Variants in TAFA3 observed in about 807,000 individuals in gnomAD.
TAFA3 encodes TAFA chemokine like family member 3.
In TAFA3, 17 loss-of-function variants were observed where a neutral mutation model predicts 20.7. The ratio of observed to expected loss-of-function variants is 0.82; its 90% CI spans 0.56 to 1.23. The LOEUF is 1.23. Among genes scored for constraint, TAFA3 ranks in the 50% most tolerant of loss-of-function variants. TAFA3 has a pLI of 0.00. For synonymous variants in TAFA3, 74 were observed against 71.8 expected, an observed-to-expected ratio of 1.03 and a Z score of -0.16; for missense variants, 174 against 172.8, an observed-to-expected ratio of 1.01 and a Z score of -0.04.
In TAFA3 at chr1:112,722,227, C is replaced by G; in HGVS notation, c.-1-6C>G. 1 of 1,614,000 alleles carries G rather than the reference C, an allele frequency of 6.2e-7. No individual in the cohort carries two copies. Among genetic ancestry groups the G allele is most frequent in the Non-Finnish European group, 8.5e-7 (1 of 1,179,938 alleles). On this transcript the variant is annotated splice_region_variant and splice_polypyrimidine_tract_variant and intron_variant, in intron 2 of 5. Coordinates refer to ENST00000361886, the MANE Select transcript of TAFA3 (RefSeq NM_182759.3). ...AGCTGAGCAGAATGTGTGCTTCTCT[C>G]CGCAGGATGAGTGAGAGGGTCGAGC...
chr1:112,724,313 G>T (rs111841877), intron 5 of TAFA3, among the ~76,000 whole-genome samples, 176 bp downstream of exon 5: 2 of 151,910 alleles, frequency 1.3e-5, no homozygotes, highest in Admixed American at 6.5e-5. Flanking sequence ...GAGTTAGGGG[G>T]GTCAGGACTT....
At chr1:112,720,087 G>C (rs1028328756) in intron 1 of TAFA3, among the ~76,000 whole-genome samples, 9 of 152,156 alleles carry the variant, frequency 5.9e-5, no homozygotes, top group African/African-American at 2.2e-4. Context: ...TGGGAATGGG[G>C]GCAAGGGATG....
intron 4 of TAFA3, 73 bp downstream of exon 4, chr1:112,723,238 T>G: frequency 6.6e-7 from 1 of 1,509,138 alleles, no homozygotes; most frequent in East Asian, 2.4e-5. Flanking sequence ...CCTCGCCATC[T>G]GCTGGGGATA....
At chr1:112,719,392 CT>C (rs1675277093) in intron 1 of TAFA3, among the ~76,000 whole-genome samples, 93 bp downstream of exon 1, 1 of 152,188 alleles carries the variant, frequency 6.6e-6, no homozygotes, top group Non-Finnish European at 1.5e-5. Flanking sequence ...GTTGAAGATT[CT>C]TGTGGTTCAC....
At position 112,724,026 on chromosome 1, in the gene TAFA3, G is replaced by C; in HGVS notation, c.279G>C (p.Leu93=). Reference sequence around the variant, plus strand: ...CTGCTCCCACAGCCTCCATCGTCCTGCAGAGATGGTGGTGTCAGATGGAGC... The same window carrying C: ...CTGCTCCCACAGCCTCCATCGTCCTCCAGAGATGGTGGTGTCAGATGGAGC... The part of the protein sequence containing the change: ...KPSCVDASIV[L]QRWWCQMEPC... Residue 93 remains leucine (L), a synonymous_variant, in exon 5 of 6, where the codon CTG becomes CTC. Coordinates refer to ENST00000361886, the MANE Select transcript of TAFA3 (RefSeq NM_182759.3). The C allele has an allele frequency of 6.2e-7, 1 of 1,613,950 alleles. No homozygotes were observed. The highest frequency in any genetic ancestry group is 8.5e-7 in the Non-Finnish European group (1 of 1,179,964).
intron 5 of TAFA3, among the ~76,000 whole-genome samples, chr1:112,724,995 A>G (rs1405894853): frequency 2.0e-5 from 3 of 152,168 alleles, no homozygotes; most frequent in Admixed American, 1.3e-4. Flanking sequence ...CTAGGTGCCA[A>G]TCAACATTGA....
chr1:112,726,539 A>C (rs1462746170), intron 5 of TAFA3, 90 bp from the exon 6 acceptor site: 29 of 1,393,582 alleles, frequency 2.1e-5, no homozygotes, highest in Non-Finnish European at 4.1e-6. Context: ...AATGTCCTCT[A>C]AGTGACCTGC....
At chr1:112,722,406 G>T in intron 3 of TAFA3, 58 bp downstream of exon 3, 1 of 1,432,772 alleles carries the variant, frequency 7.0e-7, no homozygotes, top group South Asian at 1.2e-5. Flanking sequence ...TGGGGAGCTG[G>T]ACACCACTCC....
chr1:112,723,184 C>A lies in TAFA3; in HGVS notation c.265+19C>A. The A allele has an allele frequency of 6.2e-7, 1 of 1,610,080 alleles. No homozygotes were observed. The highest frequency in any genetic ancestry group is 8.5e-7 in the Non-Finnish European group (1 of 1,178,830). On this transcript the variant is annotated intron_variant, in intron 4 of 5. Transcript: ENST00000361886. Reference sequence around the variant, plus strand: ...GTGGACGGTGAGTGAGAGGCCAGGACCCGGGCAGGGCCCTGAGCAGAGCCA... The same window carrying A: ...GTGGACGGTGAGTGAGAGGCCAGGAACCGGGCAGGGCCCTGAGCAGAGCCA...
chr1:112,726,739 A>C lies in TAFA3; in HGVS notation c.*99A>C, dbSNP rs1217915996. 1 of 1,573,784 alleles carries C rather than the reference A, an allele frequency of 6.4e-7. No homozygotes were observed. Among genetic ancestry groups the C allele is most frequent in the Non-Finnish European group, 8.7e-7 (1 of 1,143,840 alleles). On this transcript the variant is annotated 3_prime_UTR_variant, in exon 6 of 6. Coordinates refer to ENST00000361886, the MANE Select transcript of TAFA3 (RefSeq NM_182759.3). Reference sequence around the variant, plus strand: ...CCAGGAAAGATGGGGATTCACTTACATGCCTCATGTCAAATGCAGCATCAG... The same window carrying C: ...CCAGGAAAGATGGGGATTCACTTACCTGCCTCATGTCAAATGCAGCATCAG...
At chr1:112,724,726 T>C (rs1171109685) in intron 5 of TAFA3, among the ~76,000 whole-genome samples, 2 of 138,390 alleles carry the variant, frequency 1.4e-5, no homozygotes, top group Non-Finnish European at 3.0e-5. Flanking sequence ...ATGGCACATG[T>C]ATACATATGT....
chr1:112,719,678 G>A (rs1675283897), intron 1 of TAFA3, among the ~76,000 whole-genome samples: 1 of 152,106 alleles, frequency 6.6e-6, no homozygotes, highest in Non-Finnish European at 1.5e-5. Context: ...ATTGGAGGAT[G>A]TTGCAGCTCA....
rs1484493582 is a variant in TAFA3, at chr1:112,726,664, A to G, written c.*24A>G. The G allele has an allele frequency of 1.9e-6, 3 of 1,613,854 alleles. No homozygotes were observed. The highest frequency in any genetic ancestry group is 2.7e-5 in the African/African-American group (2 of 74,926). On this transcript the variant is annotated 3_prime_UTR_variant, in exon 6 of 6. Coordinates refer to ENST00000361886, the MANE Select transcript of TAFA3 (RefSeq NM_182759.3). Reference sequence around the variant, plus strand: ...AGCTCTTGGGGGTCACGGCCTGGACAAGAAAGGCTTGACTGAGCCGTGAAC... The same window carrying G: ...AGCTCTTGGGGGTCACGGCCTGGACGAGAAAGGCTTGACTGAGCCGTGAAC...
chr1:112,726,644 T>C lies in TAFA3; in HGVS notation c.*4T>C, dbSNP rs772505046. 1.2e-6 allele frequency: 2 copies of C among 1,613,912 alleles called. No individual in the cohort carries two copies. The highest frequency in any genetic ancestry group is 1.3e-5 in the African/African-American group (1 of 75,028). On this transcript the variant is annotated 3_prime_UTR_variant, in exon 6 of 6. Coordinates refer to ENST00000361886, the MANE Select transcript of TAFA3 (RefSeq NM_182759.3). ...TCTTCACCAGGTCACACGATAGCTC[T>C]TGGGGGTCACGGCCTGGACAAGAAA...
intron 5 of TAFA3, among the ~76,000 whole-genome samples, chr1:112,725,658 A>G (rs1432045679): frequency 6.6e-6 from 1 of 152,106 alleles, no homozygotes; most frequent in African/African-American, 2.4e-5. Context: ...CCTGCTCCAC[A>G]GAACAAGGGG....
chr1:112,724,087 G>GA lies in TAFA3; in HGVS notation c.341dup (p.Asp114GlufsTer37). ...GGGGGAGGAGTGTAAGGTGCTCCCG[G>GA]ACCTGTCGGGATGGAGCTGCAGCAG... On this transcript the variant is annotated frameshift_variant, in exon 5 of 6. Transcript: ENST00000361886. LOFTEE classifies it high-confidence loss of function. The GA allele has an allele frequency of 6.2e-7, 1 of 1,613,378 alleles. No homozygotes were observed. Among genetic ancestry groups the GA allele is most frequent in the Non-Finnish European group, 8.5e-7 (1 of 1,179,886 alleles).
At position 112,722,217 on chromosome 1, in the gene TAFA3, G is replaced by C. The variant is rs1394056557; in HGVS notation, c.-1-16G>C. On this transcript the variant is annotated splice_polypyrimidine_tract_variant and intron_variant, in intron 2 of 5. Transcript: ENST00000361886. ...TTCTGCCTGGAGCTGAGCAGAATGTGTGCTTCTCTCCGCAGGATGAGTGAG... is the reference window on the plus strand; with the variant it reads ...TTCTGCCTGGAGCTGAGCAGAATGTCTGCTTCTCTCCGCAGGATGAGTGAG... 1 of 1,613,638 alleles carries C rather than the reference G, an allele frequency of 6.2e-7. No homozygotes were observed. Among genetic ancestry groups the C allele is most frequent in the South Asian group, 1.1e-5 (1 of 91,060 alleles).
intron 4 of TAFA3, 61 bp downstream of exon 4, chr1:112,723,226 GGCCTC>G (rs1205554474): frequency 1.0e-5 from 16 of 1,554,340 alleles, no homozygotes; most frequent in Non-Finnish European, 1.3e-5. Flanking sequence ...GGCCTGTTCA[GGCCTC>G]GCCATCTGCT....
intron 1 of TAFA3, among the ~76,000 whole-genome samples, chr1:112,720,016 T>C (rs1433482544): frequency 6.6e-6 from 1 of 152,154 alleles, no homozygotes; most frequent in African/African-American, 2.4e-5. Context: ...GGAAAGCTAT[T>C]GGAGGCTGTG....
Sources: gnomAD v4.1 joint callset for allele counts (sites outside exome capture counted in the v4.1 genomes callset) on GRCh38, gnomAD v4.1.1 for gene constraint, MANE v1.5 for transcripts, NCBI Gene and HGNC (gene_info 2026-07-23, HGNC 2026-07-21) for gene names.